The following TMEM269 variants were observed in gnomAD, a reference collection of about 807,000 sequenced individuals.
TMEM269 encodes transmembrane protein 269.
A neutral mutation model predicts 15.8 loss-of-function variants in TMEM269; 12 were observed. That is an observed-to-expected ratio of 0.76 (90% CI 0.49 to 1.23). The LOEUF (loss-of-function observed/expected upper bound fraction) is 1.23. Among genes scored for constraint, TMEM269 ranks in the 50% most tolerant of loss-of-function variants. The probability of loss-of-function intolerance (pLI) is 0.00; values close to 1 mark genes in which losing one functional copy is unlikely to be tolerated. For synonymous variants in TMEM269, 93 were observed against 99.3 expected, an observed-to-expected ratio of 0.94 and a Z score of 0.38; for missense variants, 211 against 245.4, an observed-to-expected ratio of 0.86 and a Z score of 0.94.
At chr1:42,789,434 T>C (rs1030084177) in intron 1 of TMEM269, 6 of 1,535,228 alleles carry the variant, frequency 3.9e-6, no homozygotes, top group Non-Finnish European at 5.2e-6. Flanking sequence ...ACCTCTCAGA[T>C]GGGAGAAGGG....
At chr1:42,786,633 C>G (rs1182362532) in intron 1 of TMEM269, among the ~76,000 whole-genome samples, 1 of 152,230 alleles carries the variant, frequency 6.6e-6, no homozygotes, top group Non-Finnish European at 1.5e-5. Flanking sequence ...CCTCGCCCCT[C>G]CTGGGAGCCT....
At chr1:42,792,727 T>A (rs1653719426) in intron 2 of TMEM269, 78 bp from the exon 3 acceptor site, 1 of 821,138 alleles carries the variant, frequency 1.2e-6, no homozygotes, top group Admixed American at 2.0e-5. Flanking sequence ...ACTAATATAC[T>A]AATGGGGGGC....
chr1:42,795,273 G>A (rs190181560), intron 5 of TMEM269, among the ~76,000 whole-genome samples: 2 of 152,328 alleles, frequency 1.3e-5, no homozygotes, highest in East Asian at 3.9e-4. Flanking sequence ...CACATTAGTG[G>A]AGCAATGTGG....
rs1557593978 is a variant in TMEM269, at chr1:42,797,807, GTTTGT to G, written c.485-282_485-278del. 2 of 563,788 alleles carry G rather than the reference GTTTGT, an allele frequency of 3.5e-6. No individual in the cohort carries two copies. The highest frequency in any genetic ancestry group is 4.4e-5 in the Admixed American group (2 of 45,172). The allele number at this position is 563,788 out of a possible 1,614,324, so 34.9% of individuals were successfully genotyped here. A position where few individuals can be genotyped will look rare whatever the true frequency, so the allele number is the denominator to read the frequency against. ...ACAAGGGTTTTTGGTTTTTGTCTTG[GTTTGT>G]TTTGTTTTCCCTAACAAAGGCAATT... On this transcript the variant is annotated intron_variant, in intron 5 of 5. Coordinates refer to ENST00000637012, the MANE Select transcript of TMEM269 (RefSeq NM_001354602.2). The surrounding 1 kb of genome is among the most constrained non-coding windows in gnomAD (Gnocchi z 4.9).
chr1:42,785,410 C>T (rs1653523017), intron 1 of TMEM269, among the ~76,000 whole-genome samples: 1 of 152,194 alleles, frequency 6.6e-6, no homozygotes, highest in Admixed American at 6.5e-5. Context: ...GGCGCCGCCC[C>T]GCCACTCAGT....
At chr1:42,790,562 A>G (rs1455312368) in intron 2 of TMEM269, among the ~76,000 whole-genome samples, 1 of 150,886 alleles carries the variant, frequency 6.6e-6, no homozygotes, top group Non-Finnish European at 1.5e-5. Flanking sequence ...AAAGTAGGGC[A>G]CACCTACAGC....
At position 42,794,537 on chromosome 1, in the gene TMEM269, C is replaced by T. The variant is rs935729437; in HGVS notation, c.408C>T (p.Phe136=). ...LCCMASLMIL[F]MMDQSYYPYD... is the part of the protein sequence containing the mutation. ...GCATGGCCTCACTCATGATTCTCTT[C>T]ATGATGGACCAGAGCTACTATCCAT... Residue 136 remains phenylalanine (F), a synonymous_variant, in exon 5 of 6, where the codon TTC becomes TTT. Coordinates refer to ENST00000637012, the MANE Select transcript of TMEM269 (RefSeq NM_001354602.2). 2 of 1,550,800 alleles carry T rather than the reference C, an allele frequency of 1.3e-6. No individual in the cohort carries two copies. The highest frequency in any genetic ancestry group is 2.0e-5 in the Admixed American group (1 of 50,984).
At chr1:42,794,890 T>G (rs937216230) in intron 5 of TMEM269, among the ~76,000 whole-genome samples, 1 of 152,182 alleles carries the variant, frequency 6.6e-6, no homozygotes, top group Non-Finnish European at 1.5e-5. Flanking sequence ...TAAATGTTAA[T>G]AAGTTCAATA....
rs1227877260 is a variant in TMEM269, at chr1:42,794,554, A to G, written c.425A>G (p.Tyr142Cys). 1 of 1,550,946 alleles carries G rather than the reference A, an allele frequency of 6.4e-7. No individual in the cohort carries two copies. ...LMILFMMDQS[Y>C]YPYDKILESE... ...ATTCTCTTCATGATGGACCAGAGCT[A>G]CTATCCATATGACAAAATCCTGGAG... Residue 142 changes from tyrosine (Y) to cysteine (C), a missense_variant, in exon 5 of 6, where the codon TAC becomes TGC. Tyr to Cys is a radical substitution (Grantham distance 194). Coordinates refer to ENST00000637012, the MANE Select transcript of TMEM269 (RefSeq NM_001354602.2).
intron 4 of TMEM269, 69 bp from the exon 5 acceptor site, chr1:42,794,344 G>A: frequency 8.3e-7 from 1 of 1,201,638 alleles, no homozygotes; most frequent in Non-Finnish European, 1.2e-6. Flanking sequence ...CAAAGAGAGA[G>A]GGGCTTGCTT....
Position 42,798,082 on chromosome 1 carries a change from C to T in TMEM269, c.485-16C>T, listed in dbSNP as rs1402495934. On this transcript the variant is annotated splice_polypyrimidine_tract_variant and intron_variant, in intron 5 of 5. Transcript: ENST00000637012. Reference sequence around the variant, plus strand: ...GCTTCCTAGAAATTGAGTGTCTGCACTTTTTGTTCTTCCAGGTGTCATCAT... The same window carrying T: ...GCTTCCTAGAAATTGAGTGTCTGCATTTTTTGTTCTTCCAGGTGTCATCAT... 6.4e-7 allele frequency: 1 copy of T among 1,551,060 alleles called. No homozygotes were observed. Among genetic ancestry groups the T allele is most frequent in the Non-Finnish European group, 8.7e-7 (1 of 1,147,106 alleles).
Position 42,798,118 on chromosome 1 carries a change from T to TC in TMEM269, c.509dup (p.Leu171IlefsTer60). 6.4e-7 allele frequency: 1 copy of TC among 1,551,152 alleles called. No homozygotes were observed. Among genetic ancestry groups the TC allele is most frequent in the East Asian group, 2.4e-5 (1 of 40,912 alleles). ...TCCAGGTGTCATCATGCTGTTTTTC[T>TC]CCCCATTGTCTCTGTCTGCTTTTTA... On this transcript the variant is annotated frameshift_variant, in exon 6 of 6. Transcript: ENST00000637012. LOFTEE classifies it high-confidence loss of function.
rs1261899689 is a variant in TMEM269, at chr1:42,789,920, C to A, written c.27C>A (p.Ile9=). The A allele has an allele frequency of 6.4e-7, 1 of 1,550,492 alleles. No individual in the cohort carries two copies. The highest frequency in any genetic ancestry group is 1.7e-4 in the Middle Eastern group (1 of 5,984). Residue 9 remains isoleucine, a synonymous_variant, in exon 2 of 6, where the codon ATC becomes ATA. Coordinates refer to ENST00000637012, the MANE Select transcript of TMEM269 (RefSeq NM_001354602.2). MVLGLFSI[I]FSFSRKCHYA... is the part of the protein sequence containing the mutation. ...TGGTGCTGGGGCTCTTCTCCATCAT[C>A]TTCAGCTTCAGCAGGTAGGTCTGGG...
In TMEM269 at chr1:42,793,710, A is replaced by G. The variant is rs1198574711; in HGVS notation, c.249A>G (p.Ser83=). 6.4e-7 allele frequency: 1 copy of G among 1,550,574 alleles called. No homozygotes were observed. Among genetic ancestry groups the G allele is most frequent in the Admixed American group, 2.0e-5 (1 of 50,982 alleles). The change falls in exon 4 of 6, where the codon TCA becomes TCG. Residue 83 remains serine, a synonymous_variant. Coordinates refer to ENST00000637012, the MANE Select transcript of TMEM269 (RefSeq NM_001354602.2). ...LSGILAIIYV[S]AASFHLCFYS... ...GGATCCTGGCCATCATCTATGTGTC[A>G]GCTGCTTCTTTCCACTTGTGCTTTT...
chr1:42,794,628 C>A lies in TMEM269; in HGVS notation c.484+15C>A. ...TTATATAGGAGGTGAGTGAAAATGT[C>A]ACTATGGCCAGTTTGTTATCACAGT... On this transcript the variant is annotated intron_variant, in intron 5 of 5. Coordinates refer to ENST00000637012, the MANE Select transcript of TMEM269 (RefSeq NM_001354602.2). 1 of 1,528,174 alleles carries A rather than the reference C, an allele frequency of 6.5e-7. No homozygotes were observed. Among genetic ancestry groups the A allele is most frequent in the South Asian group, 1.2e-5 (1 of 83,542 alleles). The allele number at this position is 1,528,174 out of a possible 1,614,324, so 94.7% of individuals were successfully genotyped here. A position where few individuals can be genotyped will look rare whatever the true frequency, so the allele number is the denominator to read the frequency against.
chr1:42,787,755 T>C (rs1653572263), intron 1 of TMEM269, among the ~76,000 whole-genome samples: 2 of 151,922 alleles, frequency 1.3e-5, no homozygotes, highest in East Asian at 3.9e-4. Context: ...AATTAAAAAT[T>C]AACCAGTGTG....
chr1:42,793,772 C>G (rs1186198642), intron 4 of TMEM269, 28 bp downstream of exon 4: 2 of 1,546,782 alleles, frequency 1.3e-6, no homozygotes, highest in African/African-American at 2.7e-5. Context: ...TGCCTTAGAA[C>G]AGAGGGCAGG....
At chr1:42,793,263 G>A (rs1175010739) in intron 3 of TMEM269, among the ~76,000 whole-genome samples, 2 of 152,168 alleles carry the variant, frequency 1.3e-5, no homozygotes, top group Non-Finnish European at 2.9e-5. Context: ...CAGAGCAGCT[G>A]GTTTAAAATA....
chr1:42,787,480 G>A (rs1329196169), intron 1 of TMEM269, among the ~76,000 whole-genome samples: 1 of 151,326 alleles, frequency 6.6e-6, no homozygotes, highest in African/African-American at 2.4e-5. Context: ...GGCGCCTGTA[G>A]TCCCAGCTAC....
Sources: gnomAD v4.1 joint callset for allele counts (sites outside exome capture counted in the v4.1 genomes callset) on GRCh38, gnomAD v4.1.1 for gene constraint, Gnocchi (gnomAD v3.1) non-coding constraint, MANE v1.5 for transcripts, NCBI Gene and HGNC (gene_info 2026-07-23, HGNC 2026-07-21) for gene names.